The following CEP83 variants were observed in gnomAD, a reference collection of about 807,000 sequenced individuals.
The protein encoded by CEP83 is centrosomal protein of 83 kDa.
In CEP83, 70 loss-of-function variants were observed where a neutral mutation model predicts 101.9. The observed-to-expected ratio is 0.69, with a 90% CI of 0.57 to 0.84. CEP83 has a LOEUF of 0.84. CEP83 is among the 40% of genes least tolerant of loss of function. CEP83 has a pLI of 0.00. For synonymous variants in CEP83, 264 were observed against 267.9 expected, an observed-to-expected ratio of 0.99 and a Z score of 0.14; for missense variants, 715 against 787.2, an observed-to-expected ratio of 0.91 and a Z score of 1.10.
intron 14 of CEP83, among the ~76,000 whole-genome samples, chr12:94,328,594 T>C (rs1303856315): frequency 6.6e-6 from 1 of 152,234 alleles, no homozygotes; most frequent in Non-Finnish European, 1.5e-5. Context: ...TGCACTCTTA[T>C]GAATTATATT....
chr12:94,423,697 C>T (rs117359285), intron 2 of CEP83: 29,539 of 1,599,284 alleles, frequency 0.018, 335 homozygotes, highest in Non-Finnish European at 0.021. Context: ...TGAGTATCTC[C>T]AAGAATTCAT....
At chr12:94,426,078 C>T (rs896274391) in intron 2 of CEP83, among the ~76,000 whole-genome samples, 1 of 150,896 alleles carries the variant, frequency 6.6e-6, no homozygotes, top group African/African-American at 2.4e-5. Context: ...GCCAAGATCA[C>T]ACCACTGCAC....
At chr12:94,433,689 A>G (rs751438469) in intron 2 of CEP83, among the ~76,000 whole-genome samples, 6 of 152,048 alleles carry the variant, frequency 3.9e-5, no homozygotes, top group African/African-American at 7.2e-5. Context: ...CTCAAAAAAA[A>G]AAAAGAAAAG....
At chr12:94,265,826 T>C in the CEP83 span, among the ~76,000 whole-genome samples, 1 of 143,134 alleles carries the variant, frequency 7.0e-6, no homozygotes, top group Admixed American at 6.8e-5. Context: ...GCTTGAGAAC[T>C]TCTTTCTAAT....
At chr12:94,441,622 G>A (rs1003265176) in intron 1 of CEP83, among the ~76,000 whole-genome samples, 7 of 152,134 alleles carry the variant, frequency 4.6e-5, no homozygotes, top group South Asian at 2.1e-4. Flanking sequence ...ATTCCTTAAC[G>A]AATGAAAAGT....
At chr12:94,317,767 G>A (rs562427663) in intron 14 of CEP83, among the ~76,000 whole-genome samples, 1 of 152,202 alleles carries the variant, frequency 6.6e-6, no homozygotes, top group East Asian at 1.9e-4. Context: ...CTGTTCCATT[G>A]ATTTATGTGT....
intron 14 of CEP83, among the ~76,000 whole-genome samples, chr12:94,316,796 T>C (rs1970772463): frequency 6.6e-6 from 1 of 152,252 alleles, no homozygotes; most frequent in Non-Finnish European, 1.5e-5. Flanking sequence ...ATGGTGTATA[T>C]ATACCGCATT....
intron 8 of CEP83, among the ~76,000 whole-genome samples, chr12:94,374,546 G>C (rs2061442790): frequency 6.6e-6 from 1 of 152,072 alleles, no homozygotes; most frequent in Non-Finnish European, 1.5e-5. Flanking sequence ...ATGTGTATCT[G>C]TTGAATATAT....
intron 1 of CEP83, among the ~76,000 whole-genome samples, chr12:94,454,616 C>G (rs11107542): frequency 6.6e-6 from 1 of 152,354 alleles, no homozygotes; most frequent in East Asian, 1.9e-4. Context: ...GCAACCCACA[C>G]GGGTCCCCTT....
At chr12:94,410,581 A>G (rs1418028318) in intron 4 of CEP83, among the ~76,000 whole-genome samples, 1 of 152,168 alleles carries the variant, frequency 6.6e-6, no homozygotes, top group Non-Finnish European at 1.5e-5. Flanking sequence ...TCACATTTAG[A>G]TGTCACTCTC....
chr12:94,342,481 G>A (rs1256461219), intron 11 of CEP83, among the ~76,000 whole-genome samples: 1 of 152,064 alleles, frequency 6.6e-6, no homozygotes, highest in Non-Finnish European at 1.5e-5. Context: ...AAACCTCAAA[G>A]TAACTAAGTA....
the CEP83 span, chr12:94,279,937 T>G: frequency 1.9e-6 from 1 of 533,364 alleles, no homozygotes; most frequent in Non-Finnish European, 3.5e-6. Context: ...GCCCTGAGAC[T>G]GCACGGAATC....
chr12:94,297,411 G>A, the CEP83 span: 3 of 1,612,110 alleles, frequency 1.9e-6, no homozygotes, highest in Admixed American at 1.7e-5. Context: ...TGACAAAGCT[G>A]CTGTCGACCA....
At chr12:94,299,155 A>C in the CEP83 span, among the ~76,000 whole-genome samples, 4 of 152,300 alleles carry the variant, frequency 2.6e-5, no homozygotes, top group East Asian at 7.7e-4. Context: ...TTTTGTTCCT[A>C]ATCGGTTACT....
chr12:94,378,779 T>G lies in CEP83; in HGVS notation c.801+12A>C, dbSNP rs769059573. 1.2e-6 allele frequency: 2 copies of G among 1,613,494 alleles called. No homozygotes were observed. Among genetic ancestry groups the G allele is most frequent in the South Asian group, 2.2e-5 (2 of 91,030 alleles). On this transcript the variant is annotated intron_variant, in intron 7 of 16. Coordinates refer to ENST00000397809, the MANE Select transcript of CEP83 (RefSeq NM_016122.3). ...TATGCCATACTCTACTGGGAAGTAA[T>G]TAGAATCTTACCTCCAGGGATCTGA...
At chr12:94,456,562 A>G (rs1458826503) in intron 1 of CEP83, among the ~76,000 whole-genome samples, 24 of 152,352 alleles carry the variant, frequency 1.6e-4, no homozygotes, top group Non-Finnish European at 5.9e-5. Context: ...CAATCATGGC[A>G]GAAGGTGAAG....
chr12:94,380,088 A>C (rs1340230737), intron 6 of CEP83, among the ~76,000 whole-genome samples: 2 of 125,020 alleles, frequency 1.6e-5, no homozygotes, highest in African/African-American at 2.7e-5. Flanking sequence ...AAAAAAAAAA[A>C]AACAAAAAAC....
the CEP83 span, among the ~76,000 whole-genome samples, chr12:94,270,000 ATAAT>A: frequency 6.6e-6 from 1 of 152,258 alleles, no homozygotes; most frequent in Non-Finnish European, 1.5e-5. Flanking sequence ...GAATTAGAAA[ATAAT>A]TTAGTTATCT....
Position 94,454,584 on chromosome 12 carries a change from C to T in CEP83, c.-155+4973G>A, listed in dbSNP as rs140782696. Among the ~76,000 whole-genome samples the T allele has an allele frequency of 1.3e-3, 198 of 152,326 alleles. 1 individual carries two copies. Among genetic ancestry groups the T allele is most frequent in the African/African-American group, 4.6e-3 (190 of 41,582 alleles). Reference sequence around the variant, plus strand: ...GTGGGGCCAAATAAGGGAAGAAGAGCTAGGCACCTGAGCCAGCAGCAGCAA... The same window carrying T: ...GTGGGGCCAAATAAGGGAAGAAGAGTTAGGCACCTGAGCCAGCAGCAGCAA... On this transcript the variant is annotated intron_variant, in intron 1 of 16. Coordinates refer to ENST00000397809, the MANE Select transcript of CEP83 (RefSeq NM_016122.3).
Sources: allele counts gnomAD v4.1 joint callset (sites outside exome capture counted in the v4.1 genomes callset), GRCh38; gene constraint gnomAD v4.1.1; transcripts MANE v1.5; gene names NCBI Gene and HGNC (gene_info 2026-07-23, HGNC 2026-07-21).